PLPP1: variants seen among roughly 807,000 people sequenced by gnomAD.
PLPP1 encodes lipid phosphate phosphohydrolase 1a.
In PLPP1, 24 loss-of-function variants were observed where a neutral mutation model predicts 31.2. That is an observed-to-expected ratio of 0.77 (90% CI 0.56 to 1.08). The LOEUF is 1.08. PLPP1 is among the 50% of genes least tolerant of loss of function. PLPP1 has a pLI of 0.00. For synonymous variants in PLPP1, 146 were observed against 126.3 expected (o/e 1.16, Z -1.05); for missense variants, 319 against 342.7 (o/e 0.93, Z 0.55).
At chr5:55,470,386 T>C (rs1007677495) in intron 2 of PLPP1, among the ~76,000 whole-genome samples, 1 of 152,258 alleles carries the variant, frequency 6.6e-6, no homozygotes, top group Non-Finnish European at 1.5e-5. Context: ...ACAGGTAGTA[T>C]GTTTTGTGAG....
intron 3 of PLPP1, among the ~76,000 whole-genome samples, chr5:55,444,541 A>G (rs924937849): frequency 6.6e-6 from 1 of 152,208 alleles, no homozygotes; most frequent in South Asian, 2.1e-4. Context: ...AGGCAAGTAC[A>G]GTACAGTAAC....
At chr5:55,491,020 A>G (rs550406014) in intron 1 of PLPP1, 4 of 1,613,710 alleles carry the variant, frequency 2.5e-6, no homozygotes, top group Admixed American at 3.3e-5. Context: ...CGGTACTGTC[A>G]TGGTACGGAT....
intron 1 of PLPP1, among the ~76,000 whole-genome samples, chr5:55,506,128 C>T (rs1342579935): frequency 6.6e-6 from 1 of 151,892 alleles, no homozygotes; most frequent in Non-Finnish European, 1.5e-5. Context: ...CAATATAGAA[C>T]AGAAATTAAG....
intron 3 of PLPP1, among the ~76,000 whole-genome samples, chr5:55,456,216 G>A (rs1435161107): frequency 3.9e-5 from 6 of 151,982 alleles, no homozygotes; most frequent in African/African-American, 9.7e-5. Flanking sequence ...CTATGTTTAG[G>A]ACCTAATGGT....
rs1751135008 is a variant in PLPP1, at chr5:55,425,054, T to C, written c.*152A>G. ...AGATAACCACTGAGTTAAAGGTAACTATGTACACACAAAGTGTGCATCCAA... is the reference window on the plus strand; with the variant it reads ...AGATAACCACTGAGTTAAAGGTAACCATGTACACACAAAGTGTGCATCCAA... On this transcript the variant is annotated 3_prime_UTR_variant, in exon 6 of 6. Transcript: ENST00000307259. 2 of 1,056,468 alleles carry C rather than the reference T, an allele frequency of 1.9e-6. No homozygotes were observed. Among genetic ancestry groups the C allele is most frequent in the East Asian group, 4.8e-5 (2 of 41,956 alleles). 65.4% of individuals were successfully genotyped at this position (1,056,468 alleles called of 1,614,324 possible). A position where few individuals can be genotyped will look rare whatever the true frequency, so the allele number is the denominator to read the frequency against.
rs755866580 is a variant in PLPP1 at position 55,425,280 on chromosome 5, C to G, written c.781G>C (p.Glu261Gln). 9 of 1,611,360 alleles carry G rather than the reference C, an allele frequency of 5.6e-6. No individual in the cohort carries two copies. The Admixed American group carries it at 1.0e-4, about 18-fold the overall frequency. ...KERTSFKERK[E>Q]EDSHTTLHET... is the part of the protein sequence containing the mutation. ...TGCAGAGTTGTATGAGAGTCCTCCT[C>G]TTTTCTTTCTTTAAAAGAAGTTCTT... Residue 261 changes from glutamate (E) to glutamine (Q), a missense_variant, in exon 6 of 6, where the codon GAG becomes CAG. Physicochemically the swap from Glu to Gln is conservative, Grantham distance 29. Transcript: ENST00000307259.
chr5:55,534,893 T>G lies in PLPP1; in HGVS notation c.-264A>C. 2 of 477,216 alleles carry G rather than the reference T, an allele frequency of 4.2e-6. No homozygotes were observed. Among genetic ancestry groups the G allele is most frequent in the Non-Finnish European group, 3.7e-6 (1 of 270,292 alleles). 29.6% of individuals were successfully genotyped at this position (477,216 alleles called of 1,614,324 possible). On this transcript the variant is annotated 5_prime_UTR_variant, in exon 1 of 6. Coordinates refer to ENST00000307259, the MANE Select transcript of PLPP1 (RefSeq NM_003711.4). ...TCGTGTGCCAGCCGCGGCAGCTCTG[T>G]AGCCTCAGGACCTCCTCAGCCGGCA...
chr5:55,475,361 T>C lies in PLPP1; in HGVS notation c.148A>G (p.Lys50Glu). Residue 50 changes from lysine (K) to glutamate (E), a missense_variant, in exon 2 of 6, where the codon AAA becomes GAA. Lys to Glu is a moderately conservative substitution (Grantham distance 56). Coordinates refer to ENST00000307259, the MANE Select transcript of PLPP1 (RefSeq NM_003711.4). ...CNDESIKYPY[K>E]EDTIPYALLG... ...AACGCATAAGGTATGGTGTCTTCTT[T>C]GTAAGGGTACTTGATGGACTCATCA... is the stretch of plus-strand genomic sequence containing the variant. 6.2e-7 allele frequency: 1 copy of C among 1,612,592 alleles called. No individual in the cohort carries two copies. The highest frequency in any genetic ancestry group is 1.1e-5 in the South Asian group (1 of 90,998).
Position 55,533,339 on chromosome 5 carries a change from C to T in PLPP1, c.58+1233G>A, listed in dbSNP as rs1172797892. 2.0e-5 allele frequency among the ~76,000 whole-genome samples: 3 copies of T among 150,824 alleles called. No homozygotes were observed. The East Asian group carries it at 5.8e-4, about 29-fold the overall frequency. On this transcript the variant is annotated intron_variant, in intron 1 of 5. Transcript: ENST00000307259. ...CAGAGGCTGCAGTGAGCCGAGATCC[C>T]GCCACTGCACTCCAGCCTGGGTGAC... is the stretch of plus-strand genomic sequence containing the variant.
intron 5 of PLPP1, 52 bp from the exon 6 acceptor site, chr5:55,425,386 T>A (rs781446682): frequency 6.7e-7 from 1 of 1,484,220 alleles, no homozygotes; most frequent in Non-Finnish European, 9.2e-7. Context: ...AAAAACTACA[T>A]ACAAAGTTGT....
chr5:55,487,915 G>A (rs186668370), intron 1 of PLPP1, among the ~76,000 whole-genome samples: 10 of 152,084 alleles, frequency 6.6e-5, no homozygotes, highest in African/African-American at 1.9e-4. Flanking sequence ...GATCACCTGA[G>A]GTCAGGGTTC....
chr5:55,506,521 C>T (rs1267909543), intron 1 of PLPP1, among the ~76,000 whole-genome samples: 1 of 152,214 alleles, frequency 6.6e-6, no homozygotes, highest in East Asian at 1.9e-4. Context: ...AAATCTTAAC[C>T]CTATTAAATT....
intron 3 of PLPP1, among the ~76,000 whole-genome samples, chr5:55,446,849 A>G (rs1164348433): frequency 2.0e-5 from 3 of 152,144 alleles, no homozygotes; most frequent in Admixed American, 1.3e-4. Flanking sequence ...CACATTATCC[A>G]CATGTCTTTT....
intron 4 of PLPP1, among the ~76,000 whole-genome samples, chr5:55,441,077 G>C (rs1403395219): frequency 6.6e-6 from 1 of 152,016 alleles, no homozygotes; most frequent in Non-Finnish European, 1.5e-5. Flanking sequence ...TATATGTAAA[G>C]AGAACATTAT....
At chr5:55,502,720 C>G (rs1045014449) in intron 1 of PLPP1, among the ~76,000 whole-genome samples, 5 of 152,068 alleles carry the variant, frequency 3.3e-5, no homozygotes, top group Non-Finnish European at 5.9e-5. Context: ...CATTAAATTT[C>G]CAAAACATAT....
intron 3 of PLPP1, among the ~76,000 whole-genome samples, chr5:55,466,207 A>G (rs1211123297): frequency 6.6e-6 from 1 of 152,120 alleles, no homozygotes; most frequent in African/African-American, 2.4e-5. Flanking sequence ...TAACAGCTTG[A>G]TCTTTCTCTT....
intron 1 of PLPP1, among the ~76,000 whole-genome samples, chr5:55,491,860 G>GGA (rs751707623): frequency 1.3e-4 from 13 of 102,278 alleles, no homozygotes; most frequent in Admixed American, 3.6e-4. Flanking sequence ...TCAATCTCAG[G>GGA]AAAAAAAAAA....
chr5:55,472,760 AGAAGAAGAGGAAGAG>A (rs1442574197), intron 2 of PLPP1, among the ~76,000 whole-genome samples: 23 of 4,764 alleles, frequency 4.8e-3, no homozygotes, highest in South Asian at 0.037. Context: ...AGGAAGAGGA[AGAAGAAGAGGAAGAG>A]GAAGAAGAAG....
chr5:55,453,249 G>A (rs1391033214), intron 3 of PLPP1, among the ~76,000 whole-genome samples: 1 of 151,976 alleles, frequency 6.6e-6, no homozygotes, highest in African/African-American at 2.4e-5. Flanking sequence ...TAAAACTAAG[G>A]AATATACTTT....
Sources: gnomAD v4.1 joint callset for allele counts (sites outside exome capture counted in the v4.1 genomes callset) on GRCh38, gnomAD v4.1.1 for gene constraint, MANE v1.5 for transcripts, NCBI Gene and HGNC (gene_info 2026-07-23, HGNC 2026-07-21) for gene names.